The following NOL4 variants were observed in gnomAD, a reference collection of about 807,000 sequenced individuals.
NOL4 encodes cancer/testis antigen 125.
Under a neutral mutation model 75.9 loss-of-function variants are expected in NOL4, and 17 were observed. The observed-to-expected ratio is 0.22, with a 90% CI of 0.15 to 0.34. The LOEUF is 0.34. NOL4 is among the 10% of genes least tolerant of loss of function. The pLI is 1.00. For missense variants in NOL4, 614 were observed against 793.5 expected (o/e 0.77, Z 2.72); for synonymous variants, 292 against 289.9 (o/e 1.01, Z -0.07).
Position 34,083,678 on chromosome 18 carries a change from G to A in NOL4, c.772+9787C>T, listed in dbSNP as rs1361841757. Among the ~76,000 whole-genome samples the A allele has an allele frequency of 4.6e-5, 7 of 152,230 alleles. 1 individual carries two copies. In the South Asian group the frequency reaches 1.0e-3, roughly 23 times the overall value. On this transcript the variant is annotated intron_variant, in intron 5 of 10. Coordinates refer to ENST00000261592, the MANE Select transcript of NOL4 (RefSeq NM_003787.5). The stretch of plus-strand genomic sequence containing the variant: ...AATGTTGCAGAACTAGTTACTGGCC[G>A]AGCTAGTGTCAATATTTATGGCTGA...
intron 5 of NOL4, among the ~76,000 whole-genome samples, chr18:34,038,209 C>A (rs924718172): frequency 5.3e-5 from 8 of 151,994 alleles, no homozygotes; most frequent in African/African-American, 1.9e-4. Flanking sequence ...TTATCCCAGT[C>A]AGAATGGCTA....
intron 4 of NOL4, among the ~76,000 whole-genome samples, chr18:34,101,332 A>G (rs2079034334): frequency 6.6e-6 from 1 of 152,158 alleles, no homozygotes; most frequent in Non-Finnish European, 1.5e-5. Flanking sequence ...TTAATTAGAC[A>G]TATTTTCTTT....
intron 1 of NOL4, among the ~76,000 whole-genome samples, chr18:34,199,615 G>A (rs1048577500): frequency 4.7e-4 from 71 of 151,854 alleles, no homozygotes; most frequent in African/African-American, 1.6e-3. Flanking sequence ...ACCAGAAGAT[G>A]AACACGTCAG....
chr18:34,210,869 G>C (rs2036463629), intron 1 of NOL4, among the ~76,000 whole-genome samples: 2 of 152,150 alleles, frequency 1.3e-5, no homozygotes, highest in South Asian at 2.1e-4. Flanking sequence ...TTTTACATTA[G>C]AGCACCATTT....
At chr18:34,121,013 T>A (rs1322320332) in intron 2 of NOL4, among the ~76,000 whole-genome samples, 1 of 152,208 alleles carries the variant, frequency 6.6e-6, no homozygotes, top group African/African-American at 2.4e-5. Flanking sequence ...TATGATTGAA[T>A]ATTTGGCTGC....
chr18:34,035,289 A>G (rs1451939516), intron 5 of NOL4, among the ~76,000 whole-genome samples: 2 of 152,212 alleles, frequency 1.3e-5, no homozygotes, highest in Non-Finnish European at 2.9e-5. Context: ...ATGGAATAAA[A>G]CTAAAAATCA....
chr18:33,950,270 T>C (rs1360203980), intron 8 of NOL4, among the ~76,000 whole-genome samples: 2 of 151,994 alleles, frequency 1.3e-5, no homozygotes, highest in Admixed American at 6.6e-5. Flanking sequence ...TTAAATGTTA[T>C]ATAACTGTTT....
intron 1 of NOL4, among the ~76,000 whole-genome samples, chr18:34,158,390 T>TAGTGTA (rs1213801982): frequency 7.9e-5 from 12 of 152,260 alleles, no homozygotes; most frequent in Admixed American, 7.8e-4. Context: ...TGAGTGTAAG[T>TAGTGTA]AGTCGAATAT....
At chr18:33,913,649 T>C (rs1414762781) in intron 9 of NOL4, among the ~76,000 whole-genome samples, 1 of 152,136 alleles carries the variant, frequency 6.6e-6, no homozygotes, top group Non-Finnish European at 1.5e-5. Flanking sequence ...TCTTTCTGTT[T>C]GCATATTTTA....
intron 9 of NOL4, among the ~76,000 whole-genome samples, chr18:33,925,187 T>A (rs1447988515): frequency 6.6e-6 from 1 of 152,210 alleles, no homozygotes; most frequent in African/African-American, 2.4e-5. Flanking sequence ...TGCATACATG[T>A]CCTGACTTAT....
At chr18:33,934,862 G>GA (rs2067950890) in intron 9 of NOL4, among the ~76,000 whole-genome samples, 1 of 118,320 alleles carries the variant, frequency 8.5e-6, no homozygotes, top group East Asian at 2.4e-4. Context: ...GGAGTAGCAC[G>GA]TTTTTTTTTT....
chr18:34,116,518 A>G (rs1451221307), intron 2 of NOL4, among the ~76,000 whole-genome samples: 1 of 152,226 alleles, frequency 6.6e-6, no homozygotes, highest in Admixed American at 6.5e-5. Context: ...CTGAAATTTT[A>G]AAAGCAATCA....
intron 9 of NOL4, among the ~76,000 whole-genome samples, chr18:33,884,439 T>A (rs2064510031): frequency 6.6e-6 from 1 of 152,082 alleles, no homozygotes; most frequent in Non-Finnish European, 1.5e-5. Flanking sequence ...GTTTAAAAAA[T>A]TTTCTTCAAT....
Position 34,019,343 on chromosome 18 carries a change from C to T in NOL4, c.1031G>A (p.Arg344Gln), listed in dbSNP as rs953322978. 1.1e-5 allele frequency: 18 copies of T among 1,613,578 alleles called. No individual in the cohort carries two copies. In the African/African-American group the frequency reaches 1.5e-4, roughly 13 times the overall value. ...NLLISDLKME[R>Q]EARENGSKSP... ...CTTGCTTCCATTTTCTCTCGCCTCT[C>T]GTTCCATCTTGAGGTCAGAAATTAG... The change falls in exon 6 of 11, where the codon CGA becomes CAA. Residue 344 changes from arginine (R) to glutamine (Q), a missense_variant. By Grantham distance (43) the Arg-to-Gln change is conservative. Transcript: ENST00000261592.
chr18:34,088,489 C>T (rs1171394296), intron 5 of NOL4, among the ~76,000 whole-genome samples: 1 of 152,078 alleles, frequency 6.6e-6, no homozygotes, highest in African/African-American at 2.4e-5. Flanking sequence ...AGAATGCTTA[C>T]AAACTGCTGA....
At chr18:34,100,502 AG>A (rs1189523409) in intron 4 of NOL4, among the ~76,000 whole-genome samples, 1 of 152,170 alleles carries the variant, frequency 6.6e-6, no homozygotes, top group African/African-American at 2.4e-5. Context: ...TTCAGACTTC[AG>A]TATAATTGAC....
intron 9 of NOL4, among the ~76,000 whole-genome samples, chr18:33,887,098 T>C (rs2064776875): frequency 7.0e-6 from 1 of 142,744 alleles, no homozygotes; most frequent in African/African-American, 2.6e-5. Context: ...TAGATATAGA[T>C]ATATATATCT....
intron 2 of NOL4, among the ~76,000 whole-genome samples, chr18:34,105,503 T>C (rs2079229157): frequency 6.6e-6 from 1 of 152,028 alleles, no homozygotes. Context: ...GTTTTTAAAC[T>C]TACTGCTAGC....
chr18:34,020,008 A>C (rs1288477580), intron 5 of NOL4, among the ~76,000 whole-genome samples: 1 of 151,886 alleles, frequency 6.6e-6, no homozygotes, highest in African/African-American at 2.4e-5. Flanking sequence ...TCCCTCTCTC[A>C]CCATGAGACA....
Sources: allele counts gnomAD v4.1 joint callset (sites outside exome capture counted in the v4.1 genomes callset), GRCh38; gene constraint gnomAD v4.1.1; transcripts MANE v1.5; gene names NCBI Gene and HGNC (gene_info 2026-07-23, HGNC 2026-07-21).